The following PSG5 variants were observed in gnomAD, a reference collection of about 807,000 sequenced individuals.
PSG5 encodes the protein pregnancy-specific beta-1-glycoprotein 5.
A neutral mutation model predicts 37.7 loss-of-function variants in PSG5; 53 were observed. The observed-to-expected ratio is 1.41, with a 90% CI of 1.13 to 1.77. PSG5 has a LOEUF of 1.77. Among genes scored for constraint, PSG5 ranks in the 40% most tolerant of loss-of-function variants. The probability of loss-of-function intolerance (pLI) is 0.00; values close to 1 mark genes in which losing one functional copy is unlikely to be tolerated. For synonymous variants in PSG5, 221 were observed against 155.4 expected (o/e 1.42, Z -3.14); for missense variants, 547 against 405.2 (o/e 1.35, Z -3.00).
chr19:43,170,449 T>C, intron 4 of PSG5: 1 of 450,264 alleles, frequency 2.2e-6, no homozygotes, highest in Non-Finnish European at 4.2e-6. Context: ...TTTCACCTTT[T>C]CATGGTTGCA....
chr19:43,175,283 T>C lies in PSG5; in HGVS notation c.896A>G (p.Tyr299Cys), dbSNP rs373959429. The C allele has an allele frequency of 6.2e-7, 1 of 1,612,806 alleles. No homozygotes were observed. Among genetic ancestry groups the C allele is most frequent in the Non-Finnish European group, 8.5e-7 (1 of 1,179,228 alleles). Residue 299 changes from tyrosine to cysteine, a missense_variant, in exon 4 of 6, where the codon TAT (tyrosine) becomes TGT (cysteine). Tyr to Cys is a radical substitution (Grantham distance 194, BLOSUM62 -2). Coordinates refer to ENST00000342951, the MANE Select transcript of PSG5 (RefSeq NM_002781.4). ...AGCTGAGTTACGAACAGAGCAAGTATAGAGCCCTCTATGCTTTGTAGTAAT... is the reference window on the plus strand; with the variant it reads ...AGCTGAGTTACGAACAGAGCAAGTACAGAGCCCTCTATGCTTTGTAGTAAT... ...PQITTKHRGL[Y>C]TCSVRNSATG...
chr19:43,167,961 T>G lies in PSG5; in HGVS notation c.*283A>C. Reference sequence around the variant, plus strand: ...CAAATAGAAAATTATGAAAACATTATGCTTTTGATTATTTAGTCCAATAAC... The same window carrying G: ...CAAATAGAAAATTATGAAAACATTAGGCTTTTGATTATTTAGTCCAATAAC... On this transcript the variant is annotated 3_prime_UTR_variant, in exon 6 of 6. Transcript: ENST00000342951. 1 of 400,806 alleles carries G rather than the reference T, an allele frequency of 2.5e-6. No individual in the cohort carries two copies. Among genetic ancestry groups the G allele is most frequent in the East Asian group, 3.7e-5 (1 of 27,306 alleles). The allele number at this position is 400,806 out of a possible 1,614,324, so 24.8% of individuals were successfully genotyped here.
intron 2 of PSG5, chr19:43,179,276 T>C: frequency 7.6e-7 from 1 of 1,314,222 alleles, no homozygotes; most frequent in Non-Finnish European, 1.0e-6. Context: ...TAAAAGCCCA[T>C]GGCAGGTGTG....
intron 2 of PSG5, 104 bp downstream of exon 2, chr19:43,184,678 T>C (rs1309429720): frequency 1.9e-6 from 3 of 1,575,670 alleles, no homozygotes; most frequent in Non-Finnish European, 2.6e-6. Context: ...TGGGACATAA[T>C]GCAGAGAGGG....
chr19:43,183,478 G>C (rs1473755720), intron 2 of PSG5: 1 of 529,004 alleles, frequency 1.9e-6, no homozygotes, highest in South Asian at 1.4e-5. Flanking sequence ...GGGTCTGAGT[G>C]GGGAAAGAAA....
chr19:43,169,913 G>A (rs1285686993), intron 5 of PSG5, 142 bp downstream of exon 5: 1 of 526,690 alleles, frequency 1.9e-6, no homozygotes. Flanking sequence ...AAAGGGAACT[G>A]CAGGAATTAG....
At chr19:43,179,751 TC>T (rs1568374276) in intron 2 of PSG5, among the ~76,000 whole-genome samples, 1 of 151,528 alleles carries the variant, frequency 6.6e-6, no homozygotes, top group Non-Finnish European at 1.5e-5. Flanking sequence ...GGCGCAGTTT[TC>T]CCAGGTGTCT....
intron 2 of PSG5, among the ~76,000 whole-genome samples, chr19:43,179,809 C>T (rs1198564773): frequency 1.3e-5 from 2 of 151,634 alleles, no homozygotes; most frequent in Non-Finnish European, 2.9e-5. Context: ...AGAGCAGAGT[C>T]CAAGGAATGA....
rs1135901 is a variant in PSG5, at chr19:43,175,885, T to G, written c.694A>C (p.Thr232Pro). 1 of 1,611,960 alleles carries G rather than the reference T, an allele frequency of 6.2e-7. No individual in the cohort carries two copies. The highest frequency in any genetic ancestry group is 1.7e-5 in the Admixed American group (1 of 59,856). The change falls in exon 3 of 6, where the codon ACC (threonine) becomes CCC (proline). Residue 232 changes from threonine (T) to proline (P), a missense_variant. Physicochemically the swap from Thr to Pro is conservative, Grantham distance 38. Coordinates refer to ENST00000342951, the MANE Select transcript of PSG5 (RefSeq NM_002781.4). Reference protein sequence around the residue: ...RDGGMRSDPVTLNVLYGPDLP... With the variant: ...RDGGMRSDPVPLNVLYGPDLP... ...AGATACTCACAGAGGACATTCAGGG[T>G]GACTGGGTCACTGCGCATGCCACCA...
intron 4 of PSG5, chr19:43,171,634 A>G (rs1307079411): frequency 1.5e-6 from 1 of 660,962 alleles, no homozygotes; most frequent in Non-Finnish European, 2.2e-6. Flanking sequence ...AACTAGATTG[A>G]CTAAGAAAAA....
At chr19:43,170,993 T>C (rs1337437485) in intron 4 of PSG5, 1 of 146,756 alleles carries the variant, frequency 6.8e-6, no homozygotes, top group African/African-American at 2.6e-5. Context: ...TTTTTCCATA[T>C]ATATGGAAAA....
intron 1 of PSG5, among the ~76,000 whole-genome samples, chr19:43,185,719 G>A (rs1653082530): frequency 1.3e-5 from 2 of 151,658 alleles, no homozygotes; most frequent in African/African-American, 4.9e-5. Context: ...AGTTCTCAGG[G>A]CCCTCCACAC....
intron 4 of PSG5, among the ~76,000 whole-genome samples, chr19:43,171,882 G>T (rs538092316): frequency 6.7e-6 from 1 of 149,548 alleles, no homozygotes; most frequent in African/African-American, 2.5e-5. Context: ...TGAAGAAGGA[G>T]AATTGCTTGA....
At chr19:43,168,431 C>A (rs973308285) in intron 5 of PSG5, among the ~76,000 whole-genome samples, 1 of 151,312 alleles carries the variant, frequency 6.6e-6, no homozygotes, top group Non-Finnish European at 1.5e-5. Context: ...TGCAGTGATG[C>A]GATCTCAGTT....
At chr19:43,172,589 G>A (rs1484227619) in intron 4 of PSG5, among the ~76,000 whole-genome samples, 2 of 151,384 alleles carry the variant, frequency 1.3e-5, no homozygotes, top group Non-Finnish European at 2.9e-5. Context: ...CACTAAACAT[G>A]AACAATCTGA....
intron 1 of PSG5, 43 bp from the exon 2 acceptor site, chr19:43,185,190 A>G: frequency 6.5e-7 from 1 of 1,547,322 alleles, no homozygotes; most frequent in Non-Finnish European, 8.7e-7. Flanking sequence ...AGACCTGTGT[A>G]TTGGGGTGAA....
chr19:43,175,540 G>A (rs1378701133), intron 3 of PSG5, 71 bp from the exon 4 acceptor site: 3 of 1,536,750 alleles, frequency 2.0e-6, no homozygotes, highest in Admixed American at 2.0e-5. Context: ...CTCTTAAAGG[G>A]ACACAGTGAC....
At chr19:43,175,079 T>C in intron 4 of PSG5, 136 bp downstream of exon 4, 4 of 1,583,756 alleles carry the variant, frequency 2.5e-6, no homozygotes, top group South Asian at 2.3e-5. Flanking sequence ...ATTGGAAGGG[T>C]TCAGGAGGAG....
rs1480505925 is a variant in PSG5 at position 43,167,862 on chromosome 19, A to G, written c.*382T>C. On this transcript the variant is annotated 3_prime_UTR_variant, in exon 6 of 6. Coordinates refer to ENST00000342951, the MANE Select transcript of PSG5 (RefSeq NM_002781.4). ...TGTTTCAATTTTTGTTTACAAAAGT[A>G]TACTTTACCAATTGCTCAAGAAAAA... is the stretch of plus-strand genomic sequence containing the variant. 10 of 333,048 alleles carry G rather than the reference A, an allele frequency of 3.0e-5. No homozygotes were observed. Among genetic ancestry groups the G allele is most frequent in the Non-Finnish European group, 4.4e-5 (8 of 179,828 alleles). 20.6% of individuals were successfully genotyped at this position (333,048 alleles called of 1,614,324 possible). A position where few individuals can be genotyped will look rare whatever the true frequency, so the allele number is the denominator to read the frequency against.
Sources: gnomAD v4.1 joint callset for allele counts (sites outside exome capture counted in the v4.1 genomes callset) on GRCh38, gnomAD v4.1.1 for gene constraint, MANE v1.5 for transcripts, NCBI Gene and HGNC (gene_info 2026-07-23, HGNC 2026-07-21) for gene names.